WDR27: variants seen among roughly 807,000 people sequenced by gnomAD.
The protein encoded by WDR27 is WD repeat domain 27.
WDR27 carries 100 observed loss-of-function variants against 114.4 expected under a neutral mutation model. The ratio of observed to expected loss-of-function variants is 0.87; its 90% CI spans 0.74 to 1.03. WDR27 has a LOEUF of 1.03. Among genes scored for constraint, WDR27 ranks in the 50% least tolerant of loss-of-function variants. WDR27 has a pLI of 0.00. For missense variants in WDR27, 1,129 were observed against 1,092.9 expected (o/e 1.03, Z -0.47); for synonymous variants, 449 against 423.1 (o/e 1.06, Z -0.75).
the WDR27 span, among the ~76,000 whole-genome samples, chr6:169,439,639 TG>T: frequency 7.4e-6 from 1 of 135,866 alleles, no homozygotes; most frequent in Admixed American, 8.0e-5. Context: ...GAAACATTAT[TG>T]GTTATTCATT....
At chr6:169,602,929 C>T (rs1016130793) in intron 22 of WDR27, among the ~76,000 whole-genome samples, 1 of 150,692 alleles carries the variant, frequency 6.6e-6, no homozygotes, top group Non-Finnish European at 1.5e-5. Flanking sequence ...GCAACCTCTG[C>T]CTCCCGGGTT....
intron 25 of WDR27, among the ~76,000 whole-genome samples, chr6:169,522,867 A>G (rs959363874): frequency 6.6e-6 from 1 of 152,008 alleles, no homozygotes; most frequent in Non-Finnish European, 1.5e-5. Flanking sequence ...AAAAGTAGAA[A>G]GGCTTCAAAT....
chr6:169,597,500 G>A (rs1443870197), intron 23 of WDR27, among the ~76,000 whole-genome samples: 1 of 152,164 alleles, frequency 6.6e-6, no homozygotes, highest in Non-Finnish European at 1.5e-5. Flanking sequence ...TATAAACAGA[G>A]TTGAGCAGAC....
chr6:169,553,805 A>G (rs1490100826), intron 25 of WDR27, among the ~76,000 whole-genome samples: 1 of 152,204 alleles, frequency 6.6e-6, no homozygotes, highest in Non-Finnish European at 1.5e-5. Context: ...TCACATGTTC[A>G]TAATATATTG....
intron 25 of WDR27, among the ~76,000 whole-genome samples, chr6:169,481,545 G>A (rs1055306102): frequency 6.6e-6 from 1 of 152,196 alleles, no homozygotes; most frequent in Admixed American, 6.5e-5. Flanking sequence ...TTTATGAGCT[G>A]TAGCACTCAC....
At chr6:169,539,633 T>C (rs1796604941) in intron 25 of WDR27, among the ~76,000 whole-genome samples, 1 of 152,174 alleles carries the variant, frequency 6.6e-6, no homozygotes, top group East Asian at 1.9e-4. Flanking sequence ...CTCACAAGCC[T>C]GTTCCAAGGA....
intron 2 of WDR27, among the ~76,000 whole-genome samples, chr6:169,681,177 T>C (rs994339990): frequency 6.6e-6 from 1 of 152,214 alleles, no homozygotes; most frequent in African/African-American, 2.4e-5. Context: ...AGTATATCCA[T>C]ACAATGAATA....
At chr6:169,559,969 T>C (rs1296739538) in intron 25 of WDR27, 1 of 152,198 alleles carries the variant, frequency 6.6e-6, no homozygotes, top group Non-Finnish European at 1.5e-5. Context: ...GTTAAGGCTG[T>C]GATGATTACA....
intron 25 of WDR27, among the ~76,000 whole-genome samples, chr6:169,498,210 A>G (rs936102275): frequency 6.6e-6 from 1 of 152,154 alleles, no homozygotes; most frequent in Non-Finnish European, 1.5e-5. Flanking sequence ...TGAAAATCAC[A>G]GAGACAGATT....
intron 24 of WDR27, among the ~76,000 whole-genome samples, chr6:169,572,753 T>C (rs1327391364): frequency 6.6e-6 from 1 of 152,152 alleles, no homozygotes; most frequent in East Asian, 1.9e-4. Context: ...CATTTGTCTA[T>C]AGCAGAACCC....
At chr6:169,698,796 T>C (rs1413853963) in intron 1 of WDR27, among the ~76,000 whole-genome samples, 1 of 152,216 alleles carries the variant, frequency 6.6e-6, no homozygotes, top group Non-Finnish European at 1.5e-5. Context: ...GGGGCCACGG[T>C]GGTGGCACCT....
intron 21 of WDR27, among the ~76,000 whole-genome samples, chr6:169,620,684 C>T (rs1332024771): frequency 6.6e-6 from 1 of 152,212 alleles, no homozygotes; most frequent in African/African-American, 2.4e-5. Flanking sequence ...GGTGCCCCGA[C>T]CACCATCGTC....
At chr6:169,651,039 G>A (rs1169042302) in intron 14 of WDR27, among the ~76,000 whole-genome samples, 3 of 152,082 alleles carry the variant, frequency 2.0e-5, no homozygotes, top group Non-Finnish European at 4.4e-5. Flanking sequence ...AGAGTGGCCT[G>A]GGATTTCTGC....
chr6:169,626,783 C>T (rs953274354), intron 21 of WDR27, among the ~76,000 whole-genome samples: 2 of 152,214 alleles, frequency 1.3e-5, no homozygotes, highest in African/African-American at 2.4e-5. Context: ...TTTAGACACA[C>T]AGAACCAGCC....
intron 25 of WDR27, among the ~76,000 whole-genome samples, chr6:169,562,093 T>C (rs183857810): frequency 1.4e-3 from 206 of 152,234 alleles, no homozygotes; most frequent in African/African-American, 4.5e-3. Flanking sequence ...AGAGAAAACC[T>C]AGAGGTATAG....
chr6:169,558,797 A>T (rs1181416938), intron 25 of WDR27: 1 of 152,034 alleles, frequency 6.6e-6, no homozygotes, highest in Non-Finnish European at 1.5e-5. Context: ...ATTATTCGTC[A>T]CTCCACGAAG....
At chr6:169,442,542 TTGTATCA>T in the WDR27 span, among the ~76,000 whole-genome samples, 1 of 152,218 alleles carries the variant, frequency 6.6e-6, no homozygotes, top group East Asian at 1.9e-4. Flanking sequence ...TAGGAAAATA[TTGTATCA>T]TGTTTTCACC....
At chr6:169,598,295 C>T (rs1307620529) in intron 23 of WDR27, among the ~76,000 whole-genome samples, 1 of 152,158 alleles carries the variant, frequency 6.6e-6, no homozygotes. Context: ...GCGTAATATA[C>T]AAAGAATGGA....
At chr6:169,573,749 ATACT>A (rs1198122711) in intron 24 of WDR27, among the ~76,000 whole-genome samples, 1 of 152,184 alleles carries the variant, frequency 6.6e-6, no homozygotes, top group African/African-American at 2.4e-5. Context: ...AGCTTTCTCC[ATACT>A]TAACCTGCAC....
Sources: allele counts gnomAD v4.1 joint callset (sites outside exome capture counted in the v4.1 genomes callset), GRCh38; gene constraint gnomAD v4.1.1; transcripts MANE v1.5; gene names NCBI Gene and HGNC (gene_info 2026-07-23, HGNC 2026-07-21).